The following TBC1D22A variants were observed in gnomAD, a reference collection of about 807,000 sequenced individuals.
TBC1D22A encodes the protein putative GTPase activator.
In TBC1D22A, 38 loss-of-function variants were observed where a neutral mutation model predicts 60.2. The observed-to-expected ratio is 0.63, with a 90% CI of 0.49 to 0.83. The LOEUF (loss-of-function observed/expected upper bound fraction) is 0.83. TBC1D22A is among the 40% of genes least tolerant of loss of function. The pLI, the probability that TBC1D22A is intolerant of heterozygous loss-of-function variation, is 0.00. For synonymous variants in TBC1D22A, 302 were observed against 281.7 expected (o/e 1.07, Z -0.72); for missense variants, 628 against 701.0 (o/e 0.90, Z 1.18).
chr22:46,866,822 G>A (rs895951707), intron 4 of TBC1D22A, among the ~76,000 whole-genome samples: 3 of 152,214 alleles, frequency 2.0e-5, no homozygotes, highest in Non-Finnish European at 4.4e-5. Flanking sequence ...GCAGGCATGC[G>A]GAAGCGTTAA....
At chr22:46,772,936 C>T (rs1416705424) in intron 1 of TBC1D22A, among the ~76,000 whole-genome samples, 2 of 152,218 alleles carry the variant, frequency 1.3e-5, no homozygotes, top group African/African-American at 2.4e-5. Context: ...CCACACCACA[C>T]TTCCTTTATC....
At chr22:46,894,133 G>A (rs1256095373) in intron 6 of TBC1D22A, among the ~76,000 whole-genome samples, 1 of 152,254 alleles carries the variant, frequency 6.6e-6, no homozygotes, top group Non-Finnish European at 1.5e-5. Flanking sequence ...GCGTGGGCTA[G>A]TGTGAGATGT....
At chr22:47,073,629 G>A (rs545789782) in intron 11 of TBC1D22A, among the ~76,000 whole-genome samples, 8 of 152,266 alleles carry the variant, frequency 5.3e-5, no homozygotes, top group Non-Finnish European at 8.8e-5. Context: ...TCCCCACTCC[G>A]ACAGTGATGG....
At chr22:47,091,000 G>T (rs1429644106) in intron 11 of TBC1D22A, among the ~76,000 whole-genome samples, 4 of 143,236 alleles carry the variant, frequency 2.8e-5, no homozygotes, top group Non-Finnish European at 3.0e-5. Flanking sequence ...CCTCGCAGAG[G>T]GGGTGGCTGC....
chr22:47,138,497 GTCCCGGCACAGCT>G (rs1376574685), intron 12 of TBC1D22A, among the ~76,000 whole-genome samples: 1 of 152,222 alleles, frequency 6.6e-6, no homozygotes, highest in Non-Finnish European at 1.5e-5. Flanking sequence ...GAAGCTGTGT[GTCCCGGCACAGCT>G]TCCCAGCCAG....
intron 5 of TBC1D22A, among the ~76,000 whole-genome samples, chr22:46,889,508 C>A (rs1286459332): frequency 6.6e-6 from 1 of 152,186 alleles, no homozygotes; most frequent in African/African-American, 2.4e-5. Flanking sequence ...TAACTCGACT[C>A]CTAGGTATTT....
intron 12 of TBC1D22A, among the ~76,000 whole-genome samples, chr22:47,149,284 C>T (rs146698818): frequency 1.4e-4 from 21 of 152,328 alleles, no homozygotes; most frequent in Admixed American, 6.5e-5. Flanking sequence ...GAATCACGGA[C>T]GCTCACATCT....
At chr22:46,868,549 G>A (rs1027976028) in intron 4 of TBC1D22A, among the ~76,000 whole-genome samples, 7 of 152,104 alleles carry the variant, frequency 4.6e-5, no homozygotes, top group African/African-American at 1.7e-4. Flanking sequence ...TATAAGATTT[G>A]TACTGGAAAG....
chr22:46,769,545 G>A (rs888059829), intron 1 of TBC1D22A, among the ~76,000 whole-genome samples: 9 of 152,170 alleles, frequency 5.9e-5, no homozygotes, highest in Non-Finnish European at 1.0e-4. Context: ...CACAGGTCCC[G>A]CTTCCGCCGA....
At chr22:46,906,542 C>A (rs543035782) in intron 7 of TBC1D22A, among the ~76,000 whole-genome samples, 4 of 152,262 alleles carry the variant, frequency 2.6e-5, no homozygotes, top group African/African-American at 9.6e-5. Context: ...TGATGGCAGG[C>A]GCGGGAGCAC....
At chr22:46,800,498 T>C (rs758523722) in intron 4 of TBC1D22A, among the ~76,000 whole-genome samples, 1 of 152,166 alleles carries the variant, frequency 6.6e-6, no homozygotes, top group Non-Finnish European at 1.5e-5. Context: ...AGAACCACGT[T>C]GCACCTGGGA....
At chr22:47,090,510 T>A (rs770161515) in intron 11 of TBC1D22A, among the ~76,000 whole-genome samples, 23 of 152,150 alleles carry the variant, frequency 1.5e-4, no homozygotes, top group Non-Finnish European at 1.5e-4. Flanking sequence ...CTGTCCTGTT[T>A]AGAAAATGAG....
chr22:47,071,834 C>G (rs563557640), intron 11 of TBC1D22A, among the ~76,000 whole-genome samples: 1 of 152,114 alleles, frequency 6.6e-6, no homozygotes, highest in Admixed American at 6.5e-5. Flanking sequence ...TCTTGTTATT[C>G]TCGGAGTGGA....
At chr22:46,821,118 C>G (rs1272319532) in intron 4 of TBC1D22A, among the ~76,000 whole-genome samples, 1 of 145,032 alleles carries the variant, frequency 6.9e-6, no homozygotes, top group Non-Finnish European at 1.5e-5. Flanking sequence ...TATTTCGAGT[C>G]TGTGTGTGTC....
chr22:46,845,347 G>A (rs2086944364), intron 4 of TBC1D22A, among the ~76,000 whole-genome samples: 1 of 152,188 alleles, frequency 6.6e-6, no homozygotes, highest in East Asian at 1.9e-4. Context: ...TTTGTTCCAT[G>A]GAGAAGATTA....
chr22:46,882,574 G>A (rs1280185168), intron 5 of TBC1D22A, among the ~76,000 whole-genome samples: 1 of 152,158 alleles, frequency 6.6e-6, no homozygotes, highest in Non-Finnish European at 1.5e-5. Context: ...AGCTGGCCTG[G>A]GGCGTTGGAG....
intron 11 of TBC1D22A, among the ~76,000 whole-genome samples, chr22:47,086,750 G>A (rs1028954852): frequency 6.6e-6 from 1 of 152,210 alleles, no homozygotes; most frequent in African/African-American, 2.4e-5. Flanking sequence ...GGAGCACAGT[G>A]CGGCAGCAGG....
At chr22:46,927,706 A>G (rs2071127748) in intron 8 of TBC1D22A, among the ~76,000 whole-genome samples, 1 of 152,232 alleles carries the variant, frequency 6.6e-6, no homozygotes, top group Admixed American at 6.5e-5. Context: ...TCCACTAGAA[A>G]ACTATGAAAG....
chr22:46,864,651 C>T (rs377508038), intron 4 of TBC1D22A, among the ~76,000 whole-genome samples: 2 of 152,212 alleles, frequency 1.3e-5, no homozygotes, highest in Non-Finnish European at 2.9e-5. Context: ...AGAAGAAACA[C>T]AGCCTTTTTC....
Sources: allele counts gnomAD v4.1 joint callset (sites outside exome capture counted in the v4.1 genomes callset), GRCh38; gene constraint gnomAD v4.1.1; transcripts MANE v1.5; gene names NCBI Gene and HGNC (gene_info 2026-07-23, HGNC 2026-07-21).